Variants in ZNF385D observed in about 807,000 individuals in gnomAD.
ZNF385D encodes the protein zinc finger protein 659.
Under a neutral mutation model 35.8 loss-of-function variants are expected in ZNF385D, and 15 were observed. That is an observed-to-expected ratio of 0.42 (90% confidence interval 0.28 to 0.64). The LOEUF is 0.64. ZNF385D is among the 30% of genes least tolerant of loss of function. The pLI is 0.23. For missense variants in ZNF385D, 474 were observed against 494.6 expected (o/e 0.96, Z 0.39); for synonymous variants, 212 against 186.8 (o/e 1.13, Z -1.10).
chr3:21,861,287 A>G (rs1242305859), intron 3 of ZNF385D, among the ~76,000 whole-genome samples: 1 of 152,118 alleles, frequency 6.6e-6, no homozygotes, highest in Admixed American at 6.6e-5. Context: ...ATAAACTGGA[A>G]AATTCAGAAT....
chr3:21,686,171 T>G (rs1405642627), intron 1 of ZNF385D, among the ~76,000 whole-genome samples: 3 of 152,216 alleles, frequency 2.0e-5, no homozygotes, highest in African/African-American at 7.2e-5. Context: ...GATGATTTGT[T>G]AGTTGTAGAT....
chr3:21,673,254 TA>T (rs1041316566), intron 1 of ZNF385D, among the ~76,000 whole-genome samples: 22 of 152,068 alleles, frequency 1.4e-4, no homozygotes, highest in African/African-American at 4.6e-4. Context: ...ATTAGTACAA[TA>T]AAAAAAATTC....
intron 1 of ZNF385D, among the ~76,000 whole-genome samples, chr3:21,691,715 T>C (rs1178420668): frequency 6.6e-6 from 1 of 152,246 alleles, no homozygotes; most frequent in Admixed American, 6.5e-5. Flanking sequence ...TTTTAAGTGA[T>C]AACATGTTTA....
chr3:21,457,387 G>A (rs543478044), intron 4 of ZNF385D, among the ~76,000 whole-genome samples: 10 of 151,796 alleles, frequency 6.6e-5, no homozygotes, highest in East Asian at 1.9e-4. Flanking sequence ...AATGAGTCTC[G>A]TTCTGTCACC....
chr3:21,688,042 G>A (rs1429275240), intron 1 of ZNF385D, among the ~76,000 whole-genome samples: 1 of 151,946 alleles, frequency 6.6e-6, no homozygotes, highest in Non-Finnish European at 1.5e-5. Flanking sequence ...TTACGGGCAT[G>A]GCCAGAAAAT....
In ZNF385D at chr3:21,872,610, T is replaced by A. The variant is rs1393611437; in HGVS notation, c.326-207582A>T. Among the ~76,000 whole-genome samples the A allele has an allele frequency of 3.3e-5, 5 of 152,224 alleles. No homozygotes were observed. In the East Asian group the frequency reaches 7.7e-4, roughly 24 times the overall value. ...GTACACTTCAATGGTTACCATTAGG[T>A]CAGTGAAGTCTTACTATTTAGATGC... On this transcript the variant is annotated intron_variant, in intron 3 of 5. Coordinates refer to the ZNF385D transcript ENST00000494108.
At chr3:22,151,660 C>T (rs1248081264) in intron 3 of ZNF385D, among the ~76,000 whole-genome samples, 1 of 152,062 alleles carries the variant, frequency 6.6e-6, no homozygotes, top group Non-Finnish European at 1.5e-5. Context: ...CTGGGGCCCA[C>T]CCGAATTATG....
intron 3 of ZNF385D, among the ~76,000 whole-genome samples, chr3:21,841,270 T>C (rs1442430852): frequency 6.6e-6 from 1 of 152,044 alleles, no homozygotes; most frequent in Admixed American, 6.6e-5. Context: ...TGCACATTAT[T>C]TATTCAATTA....
At chr3:21,669,834 G>T (rs527261354) in intron 1 of ZNF385D, among the ~76,000 whole-genome samples, 181 of 152,120 alleles carry the variant, frequency 1.2e-3, no homozygotes, top group Non-Finnish European at 1.8e-3. Flanking sequence ...CGCTTATCTT[G>T]ACTGCCTCAG....
chr3:21,783,180 T>C (rs574584791), intron 3 of ZNF385D, among the ~76,000 whole-genome samples: 4 of 152,172 alleles, frequency 2.6e-5, no homozygotes, highest in South Asian at 2.1e-4. Flanking sequence ...AATTTTCAGA[T>C]TGTAAATACA....
At chr3:21,958,856 A>G (rs1039373287) in intron 3 of ZNF385D, 4 of 152,124 alleles carry the variant, frequency 2.6e-5, no homozygotes, top group Non-Finnish European at 5.9e-5. Context: ...ATATTTTTTC[A>G]TTACAAATAA....
intron 2 of ZNF385D, among the ~76,000 whole-genome samples, chr3:22,237,778 G>A (rs1699271020): frequency 6.6e-6 from 1 of 151,994 alleles, no homozygotes; most frequent in Admixed American, 6.6e-5. Context: ...TGAGAATCTG[G>A]GACTACAGGT....
intron 3 of ZNF385D, among the ~76,000 whole-genome samples, chr3:21,924,743 T>C (rs995587946): frequency 3.5e-4 from 53 of 152,196 alleles, no homozygotes; most frequent in African/African-American, 1.0e-3. Flanking sequence ...AGAAACTCAT[T>C]GCTCTCAGCC....
rs1702766915 is a variant in ZNF385D at position 22,299,237 on chromosome 3, TATA to T, written c.106+73210_106+73212del. ...TCAGTTCTTTTAAGATTATAATTTA[TATA>T]ATGATTATAGCTATTGTAATATAGG... On this transcript the variant is annotated intron_variant, in intron 2 of 5. Coordinates refer to the ZNF385D transcript ENST00000494108. 2.0e-5 allele frequency among the ~76,000 whole-genome samples: 3 copies of T among 152,006 alleles called. No homozygotes were observed. The South Asian group carries it at 6.2e-4, about 32-fold the overall frequency.
intron 1 of ZNF385D, among the ~76,000 whole-genome samples, chr3:21,734,742 A>T (rs1018677987): frequency 6.6e-6 from 1 of 152,164 alleles, no homozygotes; most frequent in Non-Finnish European, 1.5e-5. Context: ...ACGTGTCAGG[A>T]AATAAGAACC....
At chr3:21,942,092 A>G (rs1185569647) in intron 3 of ZNF385D, among the ~76,000 whole-genome samples, 1 of 151,756 alleles carries the variant, frequency 6.6e-6, no homozygotes, top group Non-Finnish European at 1.5e-5. Context: ...GGACATGACA[A>G]AACAGTAACA....
intron 3 of ZNF385D, among the ~76,000 whole-genome samples, chr3:21,796,906 T>A (rs1428765835): frequency 6.6e-6 from 1 of 152,140 alleles, no homozygotes; most frequent in Non-Finnish European, 1.5e-5. Flanking sequence ...GACTCTGAGT[T>A]CCCACCTCCT....
intron 3 of ZNF385D, among the ~76,000 whole-genome samples, chr3:21,920,663 C>T (rs1287119984): frequency 6.7e-6 from 1 of 149,684 alleles, no homozygotes; most frequent in East Asian, 2.0e-4. Context: ...TCTTTTCCTT[C>T]ATGCTCTAGG....
intron 3 of ZNF385D, among the ~76,000 whole-genome samples, chr3:22,096,352 A>T (rs1559365705): frequency 1.5e-5 from 2 of 133,858 alleles, no homozygotes; most frequent in South Asian, 4.5e-4. Flanking sequence ...ATAAATACAA[A>T]TTTTTTTAAA....
Sources: gnomAD v4.1 joint callset for allele counts (sites outside exome capture counted in the v4.1 genomes callset) on GRCh38, gnomAD v4.1.1 for gene constraint, MANE v1.5 for transcripts, NCBI Gene and HGNC (gene_info 2026-07-23, HGNC 2026-07-21) for gene names.